Variants in JADE2 observed in about 807,000 individuals in gnomAD.
JADE2 encodes E3 ubiquitin-protein ligase Jade-2.
In JADE2, 13 loss-of-function variants were observed where a neutral mutation model predicts 85.7. The observed-to-expected ratio is 0.15, with a 90% CI of 0.10 to 0.24. The LOEUF is 0.24. Ranked by LOEUF, JADE2 falls within the 10% of genes least tolerant of loss-of-function variation. The pLI is 1.00. For missense variants in JADE2, 846 were observed against 1,115.9 expected (o/e 0.76, Z 3.45); for synonymous variants, 440 against 456.1 (o/e 0.96, Z 0.45).
intron 4 of JADE2, among the ~76,000 whole-genome samples, chr5:134,553,478 C>T (rs1409551985): frequency 3.3e-5 from 5 of 152,078 alleles, no homozygotes; most frequent in African/African-American, 7.2e-5. Flanking sequence ...CTCAGCCTCC[C>T]GAATAGCTGG....
Position 134,578,527 on chromosome 5 carries a change from CCTT to C in JADE2, c.1720_1722del (p.Phe574del). 6.3e-7 allele frequency: 1 copy of C among 1,599,078 alleles called. No individual in the cohort carries two copies. The highest frequency in any genetic ancestry group is 8.6e-7 in the Non-Finnish European group (1 of 1,168,846). On this transcript the variant is annotated inframe_deletion, in exon 12 of 12. Transcript: ENST00000681547. This position sits in a 1 kb window ranked among gnomAD's most constrained non-coding sequence, Gnocchi z 4.4. ...TCCACCTCATTCCCCATCGATGGCACCTTCTTCAACAGCTGGCTGGCACAGTCG... is the reference window on the plus strand; with the variant it reads ...TCCACCTCATTCCCCATCGATGGCACCTTCAACAGCTGGCTGGCACAGTCG...
intron 1 of JADE2, among the ~76,000 whole-genome samples, chr5:134,531,107 C>A (rs755682407): frequency 6.6e-6 from 1 of 152,220 alleles, no homozygotes; most frequent in Non-Finnish European, 1.5e-5. Flanking sequence ...CATAGACTGA[C>A]ATGGGCCACA....
chr5:134,577,788 C>T (rs1053537431), intron 11 of JADE2, among the ~76,000 whole-genome samples: 12 of 152,150 alleles, frequency 7.9e-5, no homozygotes, highest in African/African-American at 2.4e-4. Flanking sequence ...CCCAAGACCT[C>T]GGTAAGGAAG....
intron 1 of JADE2, among the ~76,000 whole-genome samples, chr5:134,534,289 G>A (rs1039409086): frequency 6.6e-6 from 1 of 152,078 alleles, no homozygotes; most frequent in Admixed American, 6.6e-5. Flanking sequence ...TGTGGACCCT[G>A]TGGAACCCCC....
rs147138278 is a variant in JADE2, at chr5:134,579,714, C to A, written c.*397C>A. ...GCAGATGGGCCAGTCCAGGGCCTACCCCGCCTTGCCCCCAGATCCCACTGG... is the reference window on the plus strand; with the variant it reads ...GCAGATGGGCCAGTCCAGGGCCTACACCGCCTTGCCCCCAGATCCCACTGG... On this transcript the variant is annotated 3_prime_UTR_variant, in exon 12 of 12. Coordinates refer to ENST00000681547, the MANE Select transcript of JADE2 (RefSeq NM_001388185.1). The surrounding 1 kb of genome is among the most constrained non-coding windows in gnomAD (Gnocchi z 4.6). 3.0e-3 allele frequency: 559 copies of A among 186,516 alleles called. 4 individuals carry two copies. Among genetic ancestry groups the A allele is most frequent in the Middle Eastern group, 0.017 (7 of 412 alleles). The allele number at this position is 186,516 out of a possible 1,614,324, so 11.6% of individuals were successfully genotyped here. A position where few individuals can be genotyped will look rare whatever the true frequency, so the allele number is the denominator to read the frequency against.
At position 134,559,851 on chromosome 5, in the gene JADE2, C is replaced by T; in HGVS notation, c.333C>T (p.Gly111=). 3 of 1,609,838 alleles carry T rather than the reference C, an allele frequency of 1.9e-6. No homozygotes were observed. The highest frequency in any genetic ancestry group is 2.5e-6 in the Non-Finnish European group (3 of 1,178,328). The change falls in exon 5 of 12, where the codon GGC becomes GGT. Residue 111 remains glycine, a synonymous_variant. Coordinates refer to ENST00000681547, the MANE Select transcript of JADE2 (RefSeq NM_001388185.1). ...PVVRILPPLE[G]PPAQASPSST... is the part of the protein sequence containing the mutation. ...CTAGGATCCTCCCACCACTGGAAGG[C>T]CCCCCTGCCCAGGCATCCCCGAGCA...
chr5:134,526,590 G>T, intron 1 of JADE2: 1 of 985,434 alleles, frequency 1.0e-6, no homozygotes, highest in Non-Finnish European at 1.2e-6. Context: ...CGTGCAGCCG[G>T]TCCGGTCCCA....
chr5:134,525,965 G>C lies in JADE2; in HGVS notation c.-47G>C. 1 of 985,902 alleles carries C rather than the reference G, an allele frequency of 1.0e-6. No homozygotes were observed. Among genetic ancestry groups the C allele is most frequent in the Non-Finnish European group, 1.2e-6 (1 of 830,426 alleles). 61.1% of individuals were successfully genotyped at this position (985,902 alleles called of 1,614,324 possible). On this transcript the variant is annotated 5_prime_UTR_variant, in exon 1 of 12. Coordinates refer to ENST00000681547, the MANE Select transcript of JADE2 (RefSeq NM_001388185.1). ...CCTTCCCGCGCCGGTCCCTGCAGCG[G>C]CGCGTAGCCGAGGGCAGCGCCCGTC... is the stretch of plus-strand genomic sequence containing the variant.
In JADE2 at chr5:134,526,707, C is replaced by T. The variant is rs906543781; in HGVS notation, c.-1+696C>T. The T allele has an allele frequency of 4.1e-6, 4 of 985,358 alleles. No homozygotes were observed. In the African/African-American group the frequency reaches 7.0e-5, roughly 17 times the overall value. 61.0% of individuals were successfully genotyped at this position (985,358 alleles called of 1,614,324 possible). On this transcript the variant is annotated intron_variant, in intron 1 of 11. Transcript: ENST00000681547. ...CATGCTCGGCTCCTGGGGTTGGAGG[C>T]TCTGCACAAATTAGACAGTTTTTTT...
At chr5:134,571,567 G>A (rs954151676) in intron 9 of JADE2, among the ~76,000 whole-genome samples, 1 of 152,168 alleles carries the variant, frequency 6.6e-6, no homozygotes, top group African/African-American at 2.4e-5. Context: ...TGTGGTGGCA[G>A]GCACCTGTAA....
At chr5:134,565,223 C>G (rs1409094230) in intron 8 of JADE2, among the ~76,000 whole-genome samples, 1 of 152,174 alleles carries the variant, frequency 6.6e-6, no homozygotes, top group African/African-American at 2.4e-5. Context: ...TCCTTTGTCC[C>G]CCTCATCTTT....
intron 1 of JADE2, among the ~76,000 whole-genome samples, chr5:134,530,186 G>C (rs1761143168): frequency 6.6e-6 from 1 of 152,146 alleles, no homozygotes; most frequent in East Asian, 1.9e-4. Flanking sequence ...AGAGTGTGCA[G>C]CTCTTGTTTT....
intron 1 of JADE2, among the ~76,000 whole-genome samples, chr5:134,529,869 A>G (rs1761116878): frequency 2.0e-5 from 3 of 152,222 alleles, no homozygotes; most frequent in Admixed American, 1.3e-4. Flanking sequence ...TCATTCTCCC[A>G]CCATCCCCTT....
intron 9 of JADE2, among the ~76,000 whole-genome samples, chr5:134,573,440 T>G (rs1764163529): frequency 6.6e-6 from 1 of 152,142 alleles, no homozygotes; most frequent in African/African-American, 2.4e-5. Flanking sequence ...GTGTTTGGCC[T>G]TAGGTTTTGG....
intron 4 of JADE2, among the ~76,000 whole-genome samples, chr5:134,557,416 C>T (rs1267685956): frequency 4.8e-5 from 6 of 125,886 alleles, no homozygotes; most frequent in East Asian, 2.3e-4. Context: ...TTTTAGGGTA[C>T]ATGTGCACAT....
intron 1 of JADE2, among the ~76,000 whole-genome samples, chr5:134,531,997 A>G (rs566485894): frequency 7.4e-6 from 1 of 135,844 alleles, no homozygotes; most frequent in African/African-American, 2.8e-5. Context: ...CTGGCCTCCC[A>G]CTTCAGCCCC....
At chr5:134,568,854 T>C (rs768065636) in intron 9 of JADE2, among the ~76,000 whole-genome samples, 2 of 152,216 alleles carry the variant, frequency 1.3e-5, no homozygotes, top group African/African-American at 2.4e-5. Flanking sequence ...CCCATGGTGG[T>C]TGGTGGCCTG....
At chr5:134,559,022 G>A (rs1395189444) in intron 4 of JADE2, among the ~76,000 whole-genome samples, 1 of 152,210 alleles carries the variant, frequency 6.6e-6, no homozygotes, top group Non-Finnish European at 1.5e-5. Context: ...GAGCTGGGGA[G>A]GGATCCTGGG....
chr5:134,548,088 T>C (rs1451665144), intron 3 of JADE2, among the ~76,000 whole-genome samples: 1 of 152,244 alleles, frequency 6.6e-6, no homozygotes, highest in Non-Finnish European at 1.5e-5. Context: ...CTTGGGAGAC[T>C]GCAAGTGCAT....
Sources: allele counts gnomAD v4.1 joint callset (sites outside exome capture counted in the v4.1 genomes callset), GRCh38; gene constraint gnomAD v4.1.1; non-coding constraint Gnocchi (gnomAD v3.1); transcripts MANE v1.5; gene names NCBI Gene and HGNC (gene_info 2026-07-23, HGNC 2026-07-21).